DOCK1: variants seen among roughly 807,000 people sequenced by gnomAD.
DOCK1 encodes dedicator of cytokinesis protein 1.
Under a neutral mutation model 262.7 loss-of-function variants are expected in DOCK1, and 138 were observed. That is an observed-to-expected ratio of 0.53 (90% CI 0.46 to 0.61). DOCK1 has a LOEUF of 0.61. Among genes scored for constraint, DOCK1 ranks in the 20% least tolerant of loss-of-function variants. The pLI is 0.00. For synonymous variants in DOCK1, 866 were observed against 867.4 expected (o/e 1.00, Z 0.03); for missense variants, 1,908 against 2,370.7 (o/e 0.80, Z 4.05).
At chr10:127,197,347 A>G (rs1317447238) in intron 27 of DOCK1, among the ~76,000 whole-genome samples, 1 of 152,158 alleles carries the variant, frequency 6.6e-6, no homozygotes, top group Non-Finnish European at 1.5e-5. Flanking sequence ...GAAAAGACCT[A>G]GGATGCACAC....
At chr10:127,241,400 G>C (rs1238342669) in intron 27 of DOCK1, among the ~76,000 whole-genome samples, 2 of 151,730 alleles carry the variant, frequency 1.3e-5, no homozygotes, top group Non-Finnish European at 2.9e-5. Flanking sequence ...CTTTCCTCTG[G>C]GTTCTGTTTT....
chr10:126,912,006 C>G (rs1368922074), intron 1 of DOCK1, among the ~76,000 whole-genome samples: 1 of 152,150 alleles, frequency 6.6e-6, no homozygotes, highest in East Asian at 1.9e-4. Context: ...TCTGTAATGC[C>G]GGAGTCAAGG....
At chr10:127,415,919 C>T (rs531921840) in intron 44 of DOCK1, among the ~76,000 whole-genome samples, 2 of 152,186 alleles carry the variant, frequency 1.3e-5, no homozygotes, top group Non-Finnish European at 2.9e-5. Flanking sequence ...GAAATCTGTA[C>T]GTTTTTGTTC....
chr10:127,447,254 G>C (rs964845344), intron 50 of DOCK1, 140 bp from the exon 51 acceptor site: 2 of 1,245,064 alleles, frequency 1.6e-6, no homozygotes, highest in African/African-American at 3.0e-5. Flanking sequence ...GCCCTCATCT[G>C]CTCTGTTGAC....
chr10:127,300,666 G>A (rs549005051), intron 29 of DOCK1, among the ~76,000 whole-genome samples: 2 of 152,212 alleles, frequency 1.3e-5, no homozygotes, highest in South Asian at 2.1e-4. Flanking sequence ...ATCCATCTTC[G>A]AATACTTTCA....
intron 39 of DOCK1, 100 bp downstream of exon 39, chr10:127,403,244 A>G (rs932035884): frequency 8.2e-7 from 1 of 1,218,990 alleles, no homozygotes; most frequent in Non-Finnish European, 1.1e-6. Context: ...CACCCCAGGC[A>G]CTCTGGGACC....
chr10:127,057,414 C>T (rs1187730502), intron 22 of DOCK1, among the ~76,000 whole-genome samples: 4 of 152,166 alleles, frequency 2.6e-5, no homozygotes, highest in African/African-American at 9.7e-5. Flanking sequence ...TTCCAAAGAA[C>T]AAAGAGGTGA....
intron 27 of DOCK1, among the ~76,000 whole-genome samples, chr10:127,215,415 G>A (rs2058162451): frequency 6.6e-6 from 1 of 152,192 alleles, no homozygotes; most frequent in African/African-American, 2.4e-5. Flanking sequence ...GAGGGTCTCT[G>A]TTACTTGGCG....
At chr10:127,090,984 T>G (rs75926306) in intron 23 of DOCK1, among the ~76,000 whole-genome samples, 2 of 73,980 alleles carry the variant, frequency 2.7e-5, no homozygotes, top group African/African-American at 9.4e-5. Context: ...GTCTATTTGG[T>G]TTTTTTTTTT....
intron 27 of DOCK1, among the ~76,000 whole-genome samples, chr10:127,223,165 A>G (rs1437415938): frequency 6.6e-6 from 1 of 152,188 alleles, no homozygotes; most frequent in Admixed American, 6.5e-5. Context: ...ATTTATAACA[A>G]TGTCTGATTA....
At chr10:127,136,679 G>A (rs1205338022) in intron 27 of DOCK1, 1 of 152,602 alleles carries the variant, frequency 6.6e-6, no homozygotes, top group African/African-American at 2.4e-5. Flanking sequence ...AAGTGTTACT[G>A]TTGATTTAAA....
intron 27 of DOCK1, among the ~76,000 whole-genome samples, chr10:127,173,790 G>A (rs2054807977): frequency 6.6e-6 from 1 of 152,198 alleles, no homozygotes; most frequent in African/African-American, 2.4e-5. Context: ...TGATGGAAAT[G>A]GGATGAAAAT....
chr10:127,415,268 G>A, intron 44 of DOCK1, 30 bp downstream of exon 44: 1 of 1,601,444 alleles, frequency 6.2e-7, no homozygotes. Flanking sequence ...AGAAGGAATT[G>A]TCCGTTCCCT....
chr10:127,403,149 GTCTT>G lies in DOCK1; in HGVS notation c.4017+7_4017+10del, dbSNP rs1364938319. 1 of 1,600,114 alleles carries G rather than the reference GTCTT, an allele frequency of 6.2e-7. No individual in the cohort carries two copies. Among genetic ancestry groups the G allele is most frequent in the Non-Finnish European group, 8.5e-7 (1 of 1,173,132 alleles). On this transcript the variant is annotated splice_donor_region_variant and intron_variant, in intron 39 of 51. Coordinates refer to ENST00000623213, the MANE Select transcript of DOCK1 (RefSeq NM_001290223.2). ...GAGCAACTCAGCGAATTGCTGGTGA[GTCTT>G]TATTTCTTTTTATTTAAATGAACAC...
intron 29 of DOCK1, among the ~76,000 whole-genome samples, chr10:127,296,087 G>GTTGTAC (rs986578782): frequency 6.6e-6 from 1 of 152,154 alleles, no homozygotes; most frequent in African/African-American, 2.4e-5. Flanking sequence ...ATGAGCAGTT[G>GTTGTAC]TTGTACTTGC....
intron 12 of DOCK1, 145 bp from the exon 13 acceptor site, chr10:127,018,565 C>G (rs1591677648): frequency 7.6e-7 from 1 of 1,308,654 alleles, no homozygotes; most frequent in Non-Finnish European, 1.1e-6. Flanking sequence ...TTTGCCTTGC[C>G]CCTCTCTTTC....
chr10:127,162,091 G>A (rs1414283194), intron 27 of DOCK1, among the ~76,000 whole-genome samples: 1 of 152,140 alleles, frequency 6.6e-6, no homozygotes, highest in Non-Finnish European at 1.5e-5. Flanking sequence ...ATTTGATATT[G>A]TCTGATTGGT....
chr10:127,253,358 G>A (rs916618367), intron 28 of DOCK1, among the ~76,000 whole-genome samples: 16 of 152,120 alleles, frequency 1.1e-4, no homozygotes, highest in Admixed American at 7.9e-4. Flanking sequence ...TCACACTTCT[G>A]TGACCAGAAG....
At chr10:127,102,401 G>A (rs1468706301) in intron 23 of DOCK1, among the ~76,000 whole-genome samples, 2 of 152,162 alleles carry the variant, frequency 1.3e-5, no homozygotes, top group East Asian at 3.8e-4. Flanking sequence ...TCATAGATGA[G>A]GCAACATGAA....
Sources: allele counts gnomAD v4.1 joint callset (sites outside exome capture counted in the v4.1 genomes callset), GRCh38; gene constraint gnomAD v4.1.1; transcripts MANE v1.5; gene names NCBI Gene and HGNC (gene_info 2026-07-23, HGNC 2026-07-21).